The following MAGEC3 variants were observed in gnomAD, a reference collection of about 807,000 sequenced individuals.
The protein encoded by MAGEC3 is melanoma-associated antigen C3.
In MAGEC3, 34 loss-of-function variants were observed where a neutral mutation model predicts 35.3. The observed-to-expected ratio is 0.96, with a 90% CI of 0.73 to 1.28. MAGEC3 has a LOEUF of 1.28. Among genes scored for constraint, MAGEC3 ranks in the 50% most tolerant of loss-of-function variants. The pLI, the probability that MAGEC3 is intolerant of heterozygous loss-of-function variation, is 0.00. For missense variants in MAGEC3, 561 were observed against 483.6 expected, an observed-to-expected ratio of 1.16 and a Z score of -1.50; for synonymous variants, 202 against 185.6, an observed-to-expected ratio of 1.09 and a Z score of -0.72.
intron 2 of MAGEC3, 44 bp from the exon 3 acceptor site, chrX:141,879,131 C>T (rs368658089): frequency 9.9e-5 from 113 of 1,137,302 alleles, no homozygotes; most frequent in Non-Finnish European, 1.2e-4. Flanking sequence ...AGGGAACACC[C>T]ATGACTGGTA....
rs769984313 is a variant in MAGEC3 at position 141,895,499 on chromosome X, A to G, written c.1063A>G (p.Arg355Gly). The change falls in exon 6 of 8, where the codon AGA (arginine) becomes GGA (glycine). Residue 355 changes from arginine to glycine, a missense_variant. Physicochemically the swap from Arg to Gly is moderately radical, Grantham distance 125. Transcript: ENST00000298296. ...CGCTGCCATAGGACTTGCAGGCCAC[A>G]GACAGGAAGATGGCCGCCGAGGGCT... Reference protein sequence around the residue: ...LANPQGLAGHRQEDGRRGLTE... With the variant: ...LANPQGLAGHGQEDGRRGLTE... 1.7e-6 allele frequency: 2 copies of G among 1,210,858 alleles called. No individual in the cohort carries two copies.
intron 1 of MAGEC3, among the ~76,000 whole-genome samples, chrX:141,844,829 T>G (rs1012763636): frequency 1.8e-5 from 2 of 111,106 alleles, no homozygotes; most frequent in African/African-American, 3.2e-5. Flanking sequence ...AAACATATGA[T>G]TCAGCCTTCT....
intron 3 of MAGEC3, chrX:141,880,644 C>A (rs982045562): frequency 4.9e-6 from 2 of 405,512 alleles, no homozygotes; most frequent in East Asian, 5.6e-5. Flanking sequence ...GCCCTACCCC[C>A]ACAAACAGAG....
intron 1 of MAGEC3, among the ~76,000 whole-genome samples, chrX:141,850,437 T>C (rs2017744198): frequency 9.0e-6 from 1 of 111,516 alleles, no homozygotes; most frequent in Non-Finnish European, 1.9e-5. Context: ...ATCTGCCAGA[T>C]AGGCAAATAA....
chrX:141,895,175 G>A, intron 4 of MAGEC3, 94 bp from the exon 5 acceptor site: 2 of 989,365 alleles, frequency 2.0e-6, no homozygotes, highest in Non-Finnish European at 2.8e-6. Context: ...TGGAGTGCGG[G>A]GAAGTGGTCA....
Position 141,887,576 on chromosome X carries a change from G to A in MAGEC3, c.909+5780G>A, listed in dbSNP as rs762781951. 5.4e-5 allele frequency among the ~76,000 whole-genome samples: 6 copies of A among 112,026 alleles called. No individual in the cohort carries two copies. The East Asian group carries it at 1.7e-3, about 32-fold the overall frequency. ...TGCCTAGAGGGCCTATTTGGATTAT[G>A]AAAGCAACACATTCCTCATTTGGGT... On this transcript the variant is annotated intron_variant, in intron 4 of 7. Transcript: ENST00000298296.
chrX:141,880,784 T>A (rs2017956944), intron 3 of MAGEC3: 10 of 986,157 alleles, frequency 1.0e-5, no homozygotes, highest in South Asian at 6.2e-5. Flanking sequence ...CCCCCTAGGA[T>A]GGCAGGTGAC....
chrX:141,875,135 T>A (rs1223829879), intron 2 of MAGEC3, among the ~76,000 whole-genome samples: 2 of 111,505 alleles, frequency 1.8e-5, no homozygotes. Context: ...AGAGGGTTTG[T>A]CTTAGTCTAG....
At chrX:141,894,095 A>G (rs1368087565) in intron 4 of MAGEC3, among the ~76,000 whole-genome samples, 1 of 111,848 alleles carries the variant, frequency 8.9e-6, no homozygotes, top group Non-Finnish European at 1.9e-5. Flanking sequence ...ACAAATTGTG[A>G]AAGTTAAAAC....
intron 1 of MAGEC3, among the ~76,000 whole-genome samples, chrX:141,857,646 C>T (rs967346690): frequency 9.0e-6 from 1 of 110,883 alleles, no homozygotes; most frequent in African/African-American, 3.3e-5. Context: ...ATCTTAATGC[C>T]TGGAATGTTC....
At chrX:141,888,828 C>T (rs1402080580) in intron 4 of MAGEC3, among the ~76,000 whole-genome samples, 2 of 112,198 alleles carry the variant, frequency 1.8e-5, no homozygotes, top group African/African-American at 6.5e-5. Context: ...GATATGGTAC[C>T]TTTCCTCAGG....
intron 1 of MAGEC3, among the ~76,000 whole-genome samples, chrX:141,857,596 T>C (rs771167922): frequency 5.1e-4 from 57 of 111,325 alleles, no homozygotes; most frequent in African/African-American, 1.8e-3. Flanking sequence ...TTCTTGAACA[T>C]GTCAGGCTTG....
At chrX:141,838,811 G>A in intron 1 of MAGEC3, 1 of 753,718 alleles carries the variant, frequency 1.3e-6, no homozygotes, top group Non-Finnish European at 1.6e-6. Context: ...GCTGTAGTCT[G>A]TAGTCACTGA....
intron 1 of MAGEC3, among the ~76,000 whole-genome samples, chrX:141,850,656 T>C (rs984028195): frequency 9.0e-6 from 1 of 111,416 alleles, no homozygotes; most frequent in African/African-American, 3.3e-5. Flanking sequence ...CACAAAAATA[T>C]CCAGAATAAT....
In MAGEC3 at chrX:141,865,474, C is replaced by T. The variant is rs370315828; in HGVS notation, c.127C>T (p.Arg43Trp). 27 of 1,205,403 alleles carry T rather than the reference C, an allele frequency of 2.2e-5. No individual in the cohort carries two copies. The African/African-American group carries it at 2.3e-4, about 10-fold the overall frequency. ...PVVLPPQPQP[R>W]KKATDKDYSA... Reference sequence around the variant, plus strand: ...CCCTGATATTTGACCTGAGTAGCCCCGGAAAAAGGCCACAGATAAGGACTA... The same window carrying T: ...CCCTGATATTTGACCTGAGTAGCCCTGGAAAAAGGCCACAGATAAGGACTA... The change falls in exon 2 of 8, where the codon CGG becomes TGG. Residue 43 changes from arginine to tryptophan, a missense_variant. Physicochemically the swap from Arg to Trp is moderately radical, Grantham distance 101. Transcript: ENST00000298296.
At chrX:141,844,676 T>C (rs752802250) in intron 1 of MAGEC3, among the ~76,000 whole-genome samples, 4 of 111,475 alleles carry the variant, frequency 3.6e-5, no homozygotes, top group Admixed American at 1.9e-4. Context: ...TTATTTTTTA[T>C]AATTTAATCT....
Position 141,871,619 on chromosome X carries a change from A to G in MAGEC3, c.258+6014A>G, listed in dbSNP as rs182735202. 4.5e-5 allele frequency among the ~76,000 whole-genome samples: 5 copies of G among 112,267 alleles called. No individual in the cohort carries two copies. In the East Asian group the frequency reaches 1.4e-3, roughly 31 times the overall value. On this transcript the variant is annotated intron_variant, in intron 2 of 7. Coordinates refer to ENST00000298296, the MANE Select transcript of MAGEC3 (RefSeq NM_138702.1). ...TCTTTTTTAACAGGCGGAGGTTAGA[A>G]TTATATAAATGTTATGCCAAGTTAA... is the stretch of plus-strand genomic sequence containing the variant.
intron 6 of MAGEC3, among the ~76,000 whole-genome samples, chrX:141,895,948 C>A (rs1239326741): frequency 8.9e-6 from 1 of 111,760 alleles, no homozygotes; most frequent in African/African-American, 3.2e-5. Context: ...TGCCACCTCG[C>A]TACCTCCCGC....
rs760095164 is a variant in MAGEC3, at chrX:141,895,533, C to T, written c.1097C>T (p.Ala366Val). The change falls in exon 6 of 8, where the codon GCG becomes GTG. Residue 366 changes from alanine (A) to valine (V), a missense_variant. Ala to Val is a moderately conservative substitution (Grantham distance 64, BLOSUM62 0). Coordinates refer to ENST00000298296, the MANE Select transcript of MAGEC3 (RefSeq NM_138702.1). ...GATGGCCGCCGAGGGCTGACCGAGG[C>T]GTCCCCACAACAGAAGAAGGGAGGA... ...QEDGRRGLTE[A>V]SPQQKKGGED... The T allele has an allele frequency of 6.6e-6, 8 of 1,207,882 alleles. No individual in the cohort carries two copies. The South Asian group carries it at 1.1e-4, about 16-fold the overall frequency.
Sources: allele counts gnomAD v4.1 joint callset (sites outside exome capture counted in the v4.1 genomes callset), GRCh38; gene constraint gnomAD v4.1.1; transcripts MANE v1.5; gene names NCBI Gene and HGNC (gene_info 2026-07-23, HGNC 2026-07-21).